Variants in CEP112 observed in about 807,000 individuals in gnomAD.
CEP112 encodes the protein centrosomal protein 112, also known as centrosomal protein of 112 kDa.
CEP112 carries 127 observed loss-of-function variants against 153.0 expected under a neutral mutation model. The ratio of observed to expected loss-of-function variants is 0.83; its 90% CI spans 0.72 to 0.96. The LOEUF (loss-of-function observed/expected upper bound fraction) is 0.96, where lower values mean the gene tolerates loss of function less well. Among genes scored for constraint, CEP112 ranks in the 40% least tolerant of loss-of-function variants. CEP112 has a pLI of 0.00. For synonymous variants in CEP112, 358 were observed against 374.4 expected (o/e 0.96, Z 0.51); for missense variants, 1,089 against 1,101.2 (o/e 0.99, Z 0.16).
chr17:66,114,111 A>C (rs2069177553), intron 6 of CEP112, among the ~76,000 whole-genome samples: 1 of 152,248 alleles, frequency 6.6e-6, no homozygotes, highest in Non-Finnish European at 1.5e-5. Flanking sequence ...AGCAAAGCTG[A>C]AAATAATTAA....
intron 4 of CEP112, among the ~76,000 whole-genome samples, chr17:66,158,402 G>C (rs1568558730): frequency 6.6e-6 from 1 of 152,090 alleles, no homozygotes; most frequent in Non-Finnish European, 1.5e-5. Context: ...CATGAGGTCA[G>C]GAGATCGAGA....
At chr17:66,062,686 G>C (rs2066969970) in intron 11 of CEP112, among the ~76,000 whole-genome samples, 1 of 152,000 alleles carries the variant, frequency 6.6e-6, no homozygotes, top group South Asian at 2.1e-4. Flanking sequence ...AACTAATTTT[G>C]TTTAAAATCT....
rs181955558 is a variant in CEP112 at position 65,665,409 on chromosome 17, G to T, written c.2697+23720C>A. On this transcript the variant is annotated intron_variant, in intron 24 of 26. Transcript: ENST00000535342. ...TGTGCTTCATTAACCCAGGTCATAT[G>T]CATGGGTTTCTGCCATTCCCTCCTG... Among the ~76,000 whole-genome samples the T allele has an allele frequency of 1.9e-4, 29 of 152,316 alleles. No homozygotes were observed. The East Asian group carries it at 5.4e-3, about 28-fold the overall frequency.
chr17:66,071,765 G>A (rs2067315062), intron 8 of CEP112, among the ~76,000 whole-genome samples: 1 of 152,110 alleles, frequency 6.6e-6, no homozygotes, highest in Admixed American at 6.6e-5. Flanking sequence ...AGAGAAAGCA[G>A]GCCAATCCAG....
intron 17 of CEP112, among the ~76,000 whole-genome samples, chr17:66,000,492 T>TAGA (rs372546649): frequency 7.2e-6 from 1 of 139,844 alleles, no homozygotes; most frequent in Non-Finnish European, 1.5e-5. Flanking sequence ...GTCAGTAGAT[T>TAGA]AAAAAAAAAA....
At chr17:65,867,554 A>C (rs2146461168) in intron 20 of CEP112, among the ~76,000 whole-genome samples, 1 of 152,338 alleles carries the variant, frequency 6.6e-6, no homozygotes, top group East Asian at 1.9e-4. Flanking sequence ...TAAATGTATA[A>C]AGTTTAAGAG....
rs141089377 is a variant in CEP112 at position 65,695,499 on chromosome 17, T to A, written c.2608-6281A>T. Among the ~76,000 whole-genome samples, 1,302 of 152,320 alleles carry A rather than the reference T, an allele frequency of 8.5e-3. 10 individuals carry two copies. Among genetic ancestry groups the A allele is most frequent in the Non-Finnish European group, 0.015 (1,041 of 68,028 alleles). ...CCACACATTAAGGAATTATGTATAG[T>A]CTTACCAAAGTTTTCTCTTGTAGTT... On this transcript the variant is annotated intron_variant, in intron 23 of 26. Transcript: ENST00000535342.
At chr17:65,908,713 G>A (rs1017719632) in intron 19 of CEP112, among the ~76,000 whole-genome samples, 2 of 151,672 alleles carry the variant, frequency 1.3e-5, no homozygotes, top group African/African-American at 4.8e-5. Context: ...AAAGAAAAAG[G>A]GTCCTGCTCC....
rs114205899 is a variant in CEP112, at chr17:65,934,886, G to A, written c.1873-7197C>T. On this transcript the variant is annotated intron_variant, in intron 18 of 26. Transcript: ENST00000535342. The stretch of plus-strand genomic sequence containing the variant: ...AGGCCTCAGGAAATTTACAATCATG[G>A]TAGATGGCAAAGGGGAAGAAAGACA... 8.9e-3 allele frequency among the ~76,000 whole-genome samples: 1,362 copies of A among 152,266 alleles called. 18 individuals carry two copies. The highest frequency in any genetic ancestry group is 0.031 in the African/African-American group (1,307 of 41,546).
At chr17:66,046,402 A>G (rs1174285705) in intron 12 of CEP112, among the ~76,000 whole-genome samples, 1 of 152,182 alleles carries the variant, frequency 6.6e-6, no homozygotes, top group African/African-American at 2.4e-5. Context: ...GTGTTTAACT[A>G]CTAAAAATGG....
chr17:65,804,517 T>C (rs1321408791), intron 21 of CEP112: 1 of 152,212 alleles, frequency 6.6e-6, no homozygotes, highest in Non-Finnish European at 1.5e-5. Flanking sequence ...ATTAAGTGTG[T>C]TTCTGATGAC....
At chr17:66,000,755 G>A (rs898978397) in intron 17 of CEP112, among the ~76,000 whole-genome samples, 1 of 152,194 alleles carries the variant, frequency 6.6e-6, no homozygotes, top group Non-Finnish European at 1.5e-5. Flanking sequence ...GAGGAGGTCA[G>A]CTGAAGTTGT....
intron 8 of CEP112, among the ~76,000 whole-genome samples, chr17:66,084,326 A>G (rs2067835668): frequency 6.6e-6 from 1 of 152,228 alleles, no homozygotes; most frequent in African/African-American, 2.4e-5. Context: ...CTCCAAAAAA[A>G]GAAAATCAGC....
intron 8 of CEP112, among the ~76,000 whole-genome samples, chr17:66,089,921 T>C (rs553721416): frequency 1.4e-3 from 217 of 152,238 alleles, no homozygotes; most frequent in Middle Eastern, 3.4e-3. Flanking sequence ...AATGGAAGAT[T>C]CTGAAAATAT....
At chr17:66,044,260 CAA>C in intron 12 of CEP112, among the ~76,000 whole-genome samples, 1 of 151,456 alleles carries the variant, frequency 6.6e-6, no homozygotes, top group East Asian at 1.9e-4. Flanking sequence ...AACATCAAAG[CAA>C]TATATTTTAC....
rs186972812 is a variant in CEP112, at chr17:65,983,535, A to C, written c.1737-21937T>G. 2.6e-3 allele frequency among the ~76,000 whole-genome samples: 392 copies of C among 152,122 alleles called. 1 individual carries two copies. Among genetic ancestry groups the C allele is most frequent in the African/African-American group, 9.3e-3 (384 of 41,478 alleles). On this transcript the variant is annotated intron_variant, in intron 17 of 26. Transcript: ENST00000535342. The stretch of plus-strand genomic sequence containing the variant: ...TCTTGGTGTCAGTCCCTTGGTGATG[A>C]GTGGGTTCTCACTCTATTGGTTCAT...
chr17:66,107,005 C>T (rs1770701406), intron 6 of CEP112, among the ~76,000 whole-genome samples: 1 of 151,958 alleles, frequency 6.6e-6, no homozygotes, highest in South Asian at 2.1e-4. Context: ...CAAATCAATC[C>T]ATGTGATAAA....
chr17:65,685,092 C>G (rs1379080601), intron 24 of CEP112, among the ~76,000 whole-genome samples: 1 of 151,988 alleles, frequency 6.6e-6, no homozygotes, highest in Non-Finnish European at 1.5e-5. Flanking sequence ...GAAAGTTAAC[C>G]CTTTGTGCCC....
chr17:65,661,005 C>T (rs944354058), intron 24 of CEP112, among the ~76,000 whole-genome samples: 4 of 152,318 alleles, frequency 2.6e-5, no homozygotes, highest in African/African-American at 9.6e-5. Flanking sequence ...TGATTTCTTT[C>T]ATCTGTAGAT....
Sources: allele counts gnomAD v4.1 joint callset (sites outside exome capture counted in the v4.1 genomes callset), GRCh38; gene constraint gnomAD v4.1.1; transcripts MANE v1.5; gene names NCBI Gene and HGNC (gene_info 2026-07-23, HGNC 2026-07-21).